The following ARL15 variants were observed in gnomAD, a reference collection of about 807,000 sequenced individuals.
ARL15 encodes ADP-ribosylation factor-like protein 15.
ARL15 carries 19 observed loss-of-function variants against 25.2 expected under a neutral mutation model. The ratio of observed to expected loss-of-function variants is 0.75; its 90% CI spans 0.53 to 1.10. The LOEUF (loss-of-function observed/expected upper bound fraction) is 1.10. ARL15 is among the 50% of genes least tolerant of loss of function. The pLI, the probability that ARL15 is intolerant of heterozygous loss-of-function variation, is 0.00. For missense variants in ARL15, 220 were observed against 246.0 expected, an observed-to-expected ratio of 0.89 and a Z score of 0.71; for synonymous variants, 94 against 86.8, an observed-to-expected ratio of 1.08 and a Z score of -0.46.
intron 4 of ARL15, among the ~76,000 whole-genome samples, chr5:54,012,396 C>T (rs1181071278): frequency 6.6e-6 from 1 of 152,158 alleles, no homozygotes; most frequent in African/African-American, 2.4e-5. Flanking sequence ...GGTCACTCTC[C>T]TTTGTATCAC....
At chr5:54,290,285 A>G (rs1758290546) in intron 1 of ARL15, among the ~76,000 whole-genome samples, 1 of 151,240 alleles carries the variant, frequency 6.6e-6, no homozygotes, top group Non-Finnish European at 1.5e-5. Context: ...ATATAAGATT[A>G]TATCAACTAT....
chr5:54,245,225 A>G (rs250379), intron 1 of ARL15, among the ~76,000 whole-genome samples: 4,191 of 152,292 alleles, frequency 0.028, 77 homozygotes, highest in Middle Eastern at 0.058. Context: ...TGGATTTGTA[A>G]TTAGTAACCA....
chr5:53,891,470 G>A (rs1435859864), intron 4 of ARL15, among the ~76,000 whole-genome samples: 1 of 152,174 alleles, frequency 6.6e-6, no homozygotes, highest in African/African-American at 2.4e-5. Context: ...GTCATTGCTA[G>A]AAATGAAAAC....
intron 4 of ARL15, among the ~76,000 whole-genome samples, chr5:53,895,437 C>T (rs72763125): frequency 0.11 from 16,088 of 152,222 alleles, 1,010 homozygotes; most frequent in Non-Finnish European, 0.15. Flanking sequence ...GCTAAGACCA[C>T]AAGAACAAGC....
At chr5:54,166,568 T>C (rs1330843393) in intron 2 of ARL15, among the ~76,000 whole-genome samples, 1 of 152,110 alleles carries the variant, frequency 6.6e-6, no homozygotes, top group Non-Finnish European at 1.5e-5. Flanking sequence ...GTTTTCTTCA[T>C]GTTCAACAAT....
At chr5:54,274,044 G>A (rs1757858207) in intron 1 of ARL15, among the ~76,000 whole-genome samples, 1 of 152,172 alleles carries the variant, frequency 6.6e-6, no homozygotes, top group African/African-American at 2.4e-5. Context: ...AGAGAGGTGA[G>A]GCAACTAGGG....
intron 3 of ARL15, among the ~76,000 whole-genome samples, chr5:54,125,179 G>A (rs1004331111): frequency 4.6e-5 from 7 of 150,748 alleles, no homozygotes; most frequent in Non-Finnish European, 1.0e-4. Context: ...GATTACAGGT[G>A]TGCACCACCA....
intron 1 of ARL15, among the ~76,000 whole-genome samples, chr5:54,178,847 A>C (rs565763369): frequency 2.0e-4 from 30 of 152,192 alleles, no homozygotes; most frequent in Non-Finnish European, 3.4e-4. Flanking sequence ...ATGTAAACCC[A>C]GTACAAAATA....
At chr5:53,946,455 G>GAAAAAA (rs55727717) in intron 4 of ARL15, among the ~76,000 whole-genome samples, 6 of 43,950 alleles carry the variant, frequency 1.4e-4, no homozygotes, top group Non-Finnish European at 2.0e-4. Flanking sequence ...GTCTCAAGAG[G>GAAAAAA]AAAAAAAAAA....
chr5:54,310,163 G>A (rs1758859067), intron 1 of ARL15: 3 of 420,554 alleles, frequency 7.1e-6, no homozygotes, highest in Non-Finnish European at 8.4e-6. Context: ...CGCCGCGGCC[G>A]CCCCATCTCT....
intron 4 of ARL15, among the ~76,000 whole-genome samples, chr5:54,076,466 T>C (rs930152039): frequency 3.7e-5 from 4 of 107,892 alleles, no homozygotes; most frequent in Non-Finnish European, 9.7e-5. Flanking sequence ...ATCAGGATAG[T>C]ATAGCAGTAA....
intron 1 of ARL15, among the ~76,000 whole-genome samples, chr5:54,283,807 T>A (rs1277146968): frequency 6.6e-6 from 1 of 152,228 alleles, no homozygotes; most frequent in Non-Finnish European, 1.5e-5. Flanking sequence ...CAGCCTTTCT[T>A]GGGGTTAAGT....
chr5:54,301,112 G>A (rs1758604998), intron 1 of ARL15, among the ~76,000 whole-genome samples: 1 of 152,134 alleles, frequency 6.6e-6, no homozygotes, highest in South Asian at 2.1e-4. Flanking sequence ...TGAAATCTAG[G>A]TTAGGTTGCC....
At chr5:54,077,975 T>C (rs1195543052) in intron 4 of ARL15, among the ~76,000 whole-genome samples, 1 of 152,252 alleles carries the variant, frequency 6.6e-6, no homozygotes, top group African/African-American at 2.4e-5. Context: ...ACAATGTCTT[T>C]CTTGAGTTAT....
At chr5:54,256,868 A>G (rs1757384480) in intron 1 of ARL15, among the ~76,000 whole-genome samples, 1 of 152,218 alleles carries the variant, frequency 6.6e-6, no homozygotes, top group South Asian at 2.1e-4. Flanking sequence ...CAGAAAAAGC[A>G]TTCACTAAAA....
intron 4 of ARL15, among the ~76,000 whole-genome samples, chr5:53,969,088 T>C (rs1580127643): frequency 6.6e-6 from 1 of 151,652 alleles, no homozygotes; most frequent in Non-Finnish European, 1.5e-5. Flanking sequence ...TAGGTGGAGG[T>C]TGCAGTGAGC....
intron 1 of ARL15, among the ~76,000 whole-genome samples, chr5:54,246,363 C>T (rs576804855): frequency 6.6e-6 from 1 of 152,304 alleles, no homozygotes; most frequent in Admixed American, 6.5e-5. Context: ...ACTCTCAAAG[C>T]TCTTGCTCTG....
At chr5:54,234,847 TA>T (rs2112562572) in intron 1 of ARL15, among the ~76,000 whole-genome samples, 1 of 152,278 alleles carries the variant, frequency 6.6e-6, no homozygotes, top group East Asian at 1.9e-4. Flanking sequence ...AAAATAATAA[TA>T]TATGAGCATA....
intron 3 of ARL15, among the ~76,000 whole-genome samples, chr5:54,145,349 G>T (rs536199841): frequency 6.6e-6 from 1 of 152,060 alleles, no homozygotes; most frequent in African/African-American, 2.4e-5. Context: ...ACTTTGGACC[G>T]CAAGAAATTA....
Sources: gnomAD v4.1 joint callset for allele counts (sites outside exome capture counted in the v4.1 genomes callset) on GRCh38, gnomAD v4.1.1 for gene constraint, MANE v1.5 for transcripts, NCBI Gene and HGNC (gene_info 2026-07-23, HGNC 2026-07-21) for gene names.